AHCTF1: variants seen among roughly 807,000 people sequenced by gnomAD.
The protein encoded by AHCTF1 is protein ELYS.
A neutral mutation model predicts 248.4 loss-of-function variants in AHCTF1; 24 were observed. The ratio of observed to expected loss-of-function variants is 0.10; its 90% CI spans 0.07 to 0.14. The LOEUF is 0.14. Ranked by LOEUF, AHCTF1 falls within the 10% of genes least tolerant of loss-of-function variation. The pLI is 1.00. For synonymous variants in AHCTF1, 786 were observed against 929.8 expected, an observed-to-expected ratio of 0.85 and a Z score of 2.81; for missense variants, 2,206 against 2,636.2, an observed-to-expected ratio of 0.84 and a Z score of 3.57.
chr1:246,872,611 AAGGTCAAGCAT>A (rs1286659947), intron 24 of AHCTF1, among the ~76,000 whole-genome samples: 1 of 152,168 alleles, frequency 6.6e-6, no homozygotes, highest in African/African-American at 2.4e-5. Flanking sequence ...TTCATCTAAA[AAGGTCAAGCAT>A]AGTAATAAAA....
At chr1:246,878,404 A>C (rs923841048) in intron 21 of AHCTF1, among the ~76,000 whole-genome samples, 3 of 131,826 alleles carry the variant, frequency 2.3e-5, no homozygotes, top group Non-Finnish European at 5.2e-5. Flanking sequence ...CTCAAAAAAA[A>C]AAAAAAAAAA....
At chr1:246,880,908 G>A (rs1267096714) in intron 21 of AHCTF1, among the ~76,000 whole-genome samples, 1 of 152,194 alleles carries the variant, frequency 6.6e-6, no homozygotes, top group Non-Finnish European at 1.5e-5. Flanking sequence ...GGCTAGGCTA[G>A]CATGTTGGCA....
At chr1:246,870,705 A>G (rs1662527078) in intron 24 of AHCTF1, among the ~76,000 whole-genome samples, 1 of 144,568 alleles carries the variant, frequency 6.9e-6, no homozygotes, top group African/African-American at 2.7e-5. Flanking sequence ...TTTCTAGCTA[A>G]AAGAGGGTAT....
intron 21 of AHCTF1, among the ~76,000 whole-genome samples, chr1:246,883,895 T>C (rs1021937244): frequency 2.6e-5 from 4 of 152,060 alleles, no homozygotes; most frequent in Non-Finnish European, 4.4e-5. Flanking sequence ...ACCTGGCAAA[T>C]CAGAGAAACA....
intron 24 of AHCTF1, among the ~76,000 whole-genome samples, chr1:246,869,667 G>A (rs950216846): frequency 2.6e-5 from 4 of 151,786 alleles, no homozygotes; most frequent in Non-Finnish European, 5.9e-5. Flanking sequence ...TCTGTTGACA[G>A]CATGGTTTAC....
chr1:246,931,536 C>A (rs941566468), intron 1 of AHCTF1, 42 bp downstream of exon 1: 10 of 293,484 alleles, frequency 3.4e-5, no homozygotes, highest in African/African-American at 1.8e-4. Context: ...GCGACCCGCC[C>A]TCCGCCGCGC....
intron 12 of AHCTF1, 51 bp downstream of exon 12, chr1:246,898,157 C>G: frequency 6.2e-7 from 1 of 1,605,444 alleles, no homozygotes. Flanking sequence ...TAATAGAAAG[C>G]TAATAACGTG....
At chr1:246,871,149 G>C (rs983808009) in intron 24 of AHCTF1, among the ~76,000 whole-genome samples, 1 of 152,076 alleles carries the variant, frequency 6.6e-6, no homozygotes, top group African/African-American at 2.4e-5. Context: ...TAACCAACTT[G>C]ACATGGTGGC....
intron 21 of AHCTF1, among the ~76,000 whole-genome samples, chr1:246,882,603 G>C (rs1286925639): frequency 6.6e-6 from 1 of 152,164 alleles, no homozygotes; most frequent in African/African-American, 2.4e-5. Context: ...TCCAACCTGA[G>C]TTAAAAGGAC....
At chr1:246,858,663 A>G (rs1230862215) in intron 29 of AHCTF1, among the ~76,000 whole-genome samples, 1 of 151,818 alleles carries the variant, frequency 6.6e-6, no homozygotes, top group African/African-American at 2.4e-5. Flanking sequence ...CCCCGCCTCT[A>G]ATAATACAAA....
chr1:246,898,118 T>G lies in AHCTF1; in HGVS notation c.1623+90A>C. ...AGCATTACACTACTTCACCTATTTT[T>G]GCAGAAATTATCTAATACATTTTTA... On this transcript the variant is annotated intron_variant, in intron 12 of 35. Coordinates refer to ENST00000648844, the MANE Select transcript of AHCTF1 (RefSeq NM_001323342.2). 8 of 1,556,326 alleles carry G rather than the reference T, an allele frequency of 5.1e-6. No individual in the cohort carries two copies. The South Asian group carries it at 6.9e-5, about 14-fold the overall frequency.
intron 32 of AHCTF1, among the ~76,000 whole-genome samples, chr1:246,852,863 C>G (rs1023221882): frequency 7.2e-5 from 11 of 152,018 alleles, no homozygotes; most frequent in Non-Finnish European, 1.3e-4. Context: ...GTAGCTGGGA[C>G]TATGGGCACC....
chr1:246,900,079 C>T lies in AHCTF1; in HGVS notation c.1418G>A (p.Ser473Asn). ...GAAATACATACCAAAATTATAAGTG[C>T]TTGGATTAAAAAACTGCTCGGGAGG... ...YPPPEQFFNP[S>N]TYNFDATCLL... Residue 473 changes from serine (S) to asparagine (N), a missense_variant, in exon 10 of 36, where the codon AGC becomes AAC. Ser to Asn is a conservative substitution (Grantham distance 46, BLOSUM62 1). Coordinates refer to ENST00000648844, the MANE Select transcript of AHCTF1 (RefSeq NM_001323342.2). 1 of 1,604,872 alleles carries T rather than the reference C, an allele frequency of 6.2e-7. No individual in the cohort carries two copies. The highest frequency in any genetic ancestry group is 8.5e-7 in the Non-Finnish European group (1 of 1,178,268).
intron 4 of AHCTF1, among the ~76,000 whole-genome samples, chr1:246,908,889 C>G (rs1665586084): frequency 6.7e-6 from 1 of 148,978 alleles, no homozygotes; most frequent in South Asian, 2.1e-4. Context: ...CAGAGCAAGA[C>G]TCCGTCTCAA....
At position 246,916,358 on chromosome 1, in the gene AHCTF1, T is replaced by C. The variant is rs1487443476; in HGVS notation, c.159A>G (p.Gln53=). ...CTGTTATAGAGTTTACTACCTCAAG[T>C]TGTGGACCACAAGCCAAGCAAGCAA... ...NGLACLACGP[Q]LEVVNSITGE... is the part of the protein sequence containing the mutation. Residue 53 remains glutamine, a synonymous_variant, in exon 3 of 36, where the codon CAA becomes CAG. Transcript: ENST00000648844. 1.2e-6 allele frequency: 2 copies of C among 1,601,048 alleles called. No individual in the cohort carries two copies. The highest frequency in any genetic ancestry group is 1.1e-5 in the South Asian group (1 of 88,312).
At chr1:246,905,514 A>G in intron 6 of AHCTF1, 27 bp downstream of exon 6, 1 of 1,584,948 alleles carries the variant, frequency 6.3e-7, no homozygotes, top group Non-Finnish European at 8.6e-7. Flanking sequence ...ACAAAACAAA[A>G]CAAAACAAAG....
At chr1:246,878,742 A>C (rs1663175524) in intron 21 of AHCTF1, among the ~76,000 whole-genome samples, 1 of 152,218 alleles carries the variant, frequency 6.6e-6, no homozygotes, top group Non-Finnish European at 1.5e-5. Flanking sequence ...AATGGTACCC[A>C]CTGTTGGCAG....
chr1:246,877,053 C>T lies in AHCTF1; in HGVS notation c.2834G>A (p.Ser945Asn), dbSNP rs774195900. The change falls in exon 23 of 36, where the codon AGT becomes AAT. Residue 945 changes from serine to asparagine, a missense_variant. Physicochemically the swap from Ser to Asn is conservative, Grantham distance 46 (BLOSUM62 1). Coordinates refer to ENST00000648844, the MANE Select transcript of AHCTF1 (RefSeq NM_001323342.2). ...GAATTCATGATTCTGAACGCTGGCA[C>T]TGGACTGCAAAAATTTCACTAAACA... ...QECLVKFLQSSASVQNHEFLL... is the reference protein window; with the variant it reads ...QECLVKFLQSNASVQNHEFLL... 1.1e-5 allele frequency: 17 copies of T among 1,612,062 alleles called. No individual in the cohort carries two copies. In the South Asian group the frequency reaches 1.6e-4, roughly 16 times the overall value.
intron 3 of AHCTF1, among the ~76,000 whole-genome samples, chr1:246,913,676 C>A (rs1021769723): frequency 6.6e-6 from 1 of 152,172 alleles, no homozygotes; most frequent in African/African-American, 2.4e-5. Flanking sequence ...CATTGTGTTA[C>A]CTGGCTCATT....
Sources: gnomAD v4.1 joint callset for allele counts (sites outside exome capture counted in the v4.1 genomes callset) on GRCh38, gnomAD v4.1.1 for gene constraint, MANE v1.5 for transcripts, NCBI Gene and HGNC (gene_info 2026-07-23, HGNC 2026-07-21) for gene names.